STK33: variants seen among roughly 807,000 people sequenced by gnomAD.
STK33 encodes the protein serine/threonine-protein kinase 33.
A neutral mutation model predicts 58.0 loss-of-function variants in STK33; 52 were observed. That is an observed-to-expected ratio of 0.90 (90% CI 0.72 to 1.13). STK33 has a LOEUF of 1.13. Ranked by LOEUF, STK33 falls within the 50% of genes most tolerant of loss-of-function variation. The probability of loss-of-function intolerance (pLI) is 0.00; values close to 1 mark genes in which losing one functional copy is unlikely to be tolerated. For missense variants in STK33, 630 were observed against 604.2 expected (o/e 1.04, Z -0.45); for synonymous variants, 215 against 200.1 (o/e 1.07, Z -0.63).
At chr11:8,448,151 G>A (rs1370670892) in intron 11 of STK33, among the ~76,000 whole-genome samples, 1 of 152,060 alleles carries the variant, frequency 6.6e-6, no homozygotes, top group Non-Finnish European at 1.5e-5. Context: ...ACAAATGGAA[G>A]AACATTCCAT....
At chr11:8,431,439 C>A (rs1051500455) in intron 14 of STK33, among the ~76,000 whole-genome samples, 1 of 152,024 alleles carries the variant, frequency 6.6e-6, no homozygotes, top group Non-Finnish European at 1.5e-5. Flanking sequence ...TGAACAAAGG[C>A]CCTGTTCATA....
At chr11:8,492,359 C>A (rs1950691501) in intron 1 of STK33, among the ~76,000 whole-genome samples, 1 of 152,128 alleles carries the variant, frequency 6.6e-6, no homozygotes, top group Non-Finnish European at 1.5e-5. Flanking sequence ...AAGGCCACTA[C>A]ATAATGGTAA....
chr11:8,449,346 C>T (rs193210244), intron 11 of STK33, among the ~76,000 whole-genome samples: 6 of 151,632 alleles, frequency 4.0e-5, no homozygotes, highest in African/African-American at 1.2e-4. Flanking sequence ...ATGTTTACTG[C>T]GGCACTATTC....
At chr11:8,511,594 A>G (rs565770445) in intron 1 of STK33, among the ~76,000 whole-genome samples, 55 of 152,230 alleles carry the variant, frequency 3.6e-4, no homozygotes, top group African/African-American at 1.3e-3. Context: ...TCCCCATTCA[A>G]TATGATGGTG....
intron 15 of STK33, among the ~76,000 whole-genome samples, chr11:8,399,358 T>G (rs536089178): frequency 1.3e-4 from 20 of 151,238 alleles, no homozygotes; most frequent in Admixed American, 4.6e-4. Context: ...AACCTGCTCC[T>G]GAATGACTAC....
intron 1 of STK33, among the ~76,000 whole-genome samples, chr11:8,499,740 A>G (rs1951364258): frequency 6.6e-6 from 1 of 152,220 alleles, no homozygotes; most frequent in African/African-American, 2.4e-5. Context: ...CTATGCAGCC[A>G]TAAAAAAGGA....
intron 1 of STK33, among the ~76,000 whole-genome samples, chr11:8,493,531 G>A (rs1299464015): frequency 6.6e-6 from 1 of 152,100 alleles, no homozygotes; most frequent in Non-Finnish European, 1.5e-5. Flanking sequence ...AACAGGAGCT[G>A]GTACCATTCC....
chr11:8,428,956 A>T (rs1246513273), intron 14 of STK33, among the ~76,000 whole-genome samples: 5 of 152,118 alleles, frequency 3.3e-5, no homozygotes, highest in Non-Finnish European at 5.9e-5. Context: ...ATAAAAAAAA[A>T]TTTAAATATA....
chr11:8,446,261 TTCTC>T (rs1945447475), intron 11 of STK33, among the ~76,000 whole-genome samples: 1 of 107,256 alleles, frequency 9.3e-6, no homozygotes, highest in African/African-American at 3.8e-5. Context: ...TATTTGATTC[TTCTC>T]TCTTTTTTCT....
chr11:8,367,328 T>G, the STK33 span, among the ~76,000 whole-genome samples: 1 of 152,228 alleles, frequency 6.6e-6, no homozygotes, highest in Non-Finnish European at 1.5e-5. Flanking sequence ...GGGTATACAT[T>G]GTGTATATAC....
downstream of STK33, among the ~76,000 whole-genome samples, chr11:8,388,612 G>A (rs554905941): frequency 3.3e-5 from 5 of 152,294 alleles, no homozygotes; most frequent in East Asian, 9.6e-4. Context: ...AAGCGAACAC[G>A]AAGCCCAGGA....
intron 1 of STK33, among the ~76,000 whole-genome samples, chr11:8,517,382 A>C (rs1342709974): frequency 2.0e-5 from 3 of 152,206 alleles, no homozygotes; most frequent in African/African-American, 7.2e-5. Flanking sequence ...AGATGGGGAG[A>C]AACCAGAGCA....
At chr11:8,401,084 C>T (rs1005910330) in intron 15 of STK33, among the ~76,000 whole-genome samples, 1 of 152,136 alleles carries the variant, frequency 6.6e-6, no homozygotes, top group African/African-American at 2.4e-5. Flanking sequence ...CATCAAGCTA[C>T]CAATGACTTT....
chr11:8,452,746 C>T, intron 11 of STK33, 76 bp downstream of exon 11: 1 of 1,315,222 alleles, frequency 7.6e-7, no homozygotes, highest in Admixed American at 1.7e-5. Flanking sequence ...CAAGATCATG[C>T]CACTGCACTC....
intron 1 of STK33, among the ~76,000 whole-genome samples, chr11:8,542,537 C>A (rs1955602145): frequency 6.6e-6 from 1 of 152,072 alleles, no homozygotes; most frequent in Non-Finnish European, 1.5e-5. Context: ...ACCAAGGATG[C>A]TGCAAAACAT....
At chr11:8,340,104 T>C in the STK33 span, among the ~76,000 whole-genome samples, 1 of 152,220 alleles carries the variant, frequency 6.6e-6, no homozygotes, top group African/African-American at 2.4e-5. Context: ...TGCAAATGAG[T>C]ACCTCCAACA....
chr11:8,450,402 G>T (rs561780363), intron 11 of STK33, among the ~76,000 whole-genome samples: 7 of 152,154 alleles, frequency 4.6e-5, no homozygotes, highest in African/African-American at 1.7e-4. Context: ...ACCGGGGCCT[G>T]TTGGGGGGTT....
At chr11:8,540,108 A>T (rs141694656) in intron 1 of STK33, among the ~76,000 whole-genome samples, 27 of 152,068 alleles carry the variant, frequency 1.8e-4, no homozygotes, top group Middle Eastern at 3.4e-3. Context: ...ATATATATGC[A>T]CTCCCATGTT....
intron 1 of STK33, among the ~76,000 whole-genome samples, chr11:8,490,562 C>T (rs953695728): frequency 6.6e-6 from 1 of 152,174 alleles, no homozygotes; most frequent in Admixed American, 6.5e-5. Flanking sequence ...GTGAAGAGAG[C>T]AGTGGTTCTC....
Sources: gnomAD v4.1 joint callset for allele counts (sites outside exome capture counted in the v4.1 genomes callset) on GRCh38, gnomAD v4.1.1 for gene constraint, MANE v1.5 for transcripts, NCBI Gene and HGNC (gene_info 2026-07-23, HGNC 2026-07-21) for gene names.